The following CAV1 variants were observed in gnomAD, a reference collection of about 807,000 sequenced individuals.
CAV1 encodes caveolin-1.
In CAV1, 10 loss-of-function variants were observed where a neutral mutation model predicts 16.5. The ratio of observed to expected loss-of-function variants is 0.61; its 90% CI spans 0.37 to 1.03. The LOEUF is 1.03. CAV1 is among the 50% of genes least tolerant of loss of function. The pLI is 0.01. For synonymous variants in CAV1, 76 were observed against 85.1 expected, an observed-to-expected ratio of 0.89 and a Z score of 0.59; for missense variants, 212 against 232.8, an observed-to-expected ratio of 0.91 and a Z score of 0.58.
In CAV1 at chr7:116,560,999, G is replaced by A. The variant is rs374969893; in HGVS notation, c.*1712G>A. The A allele has an allele frequency of 1.3e-5, 2 of 152,684 alleles. No homozygotes were observed. Among genetic ancestry groups the A allele is most frequent in the African/African-American group, 4.8e-5 (2 of 41,540 alleles). The allele number at this position is 152,684 out of a possible 1,614,324, so 9.5% of individuals were successfully genotyped here. A position where few individuals can be genotyped will look rare whatever the true frequency, so the allele number is the denominator to read the frequency against. ...AGGAAATGGCTTTGTGATTCAATCT[G>A]TAAACTGTGTATTCCAAGACATGTC... On this transcript the variant is annotated 3_prime_UTR_variant, in exon 3 of 3. Transcript: ENST00000341049.
intron 1 of CAV1, chr7:116,526,284 G>A: frequency 5.4e-6 from 7 of 1,289,318 alleles, no homozygotes; most frequent in Non-Finnish European, 6.0e-6. Flanking sequence ...GGAGGCAGGC[G>A]CGCCCTGCAG....
intron 1 of CAV1, 153 bp from the exon 2 acceptor site, chr7:116,526,372 C>T (rs1793559315): frequency 3.4e-5 from 52 of 1,513,420 alleles, no homozygotes; most frequent in Non-Finnish European, 4.6e-5. Flanking sequence ...GTGCACGGAG[C>T]CGTAGCTGTC....
chr7:116,531,075 G>C (rs1168042451), intron 2 of CAV1, among the ~76,000 whole-genome samples: 2 of 152,188 alleles, frequency 1.3e-5, no homozygotes, highest in African/African-American at 4.8e-5. Context: ...ATGGTTACCA[G>C]GCTGGCCTCC....
chr7:116,548,060 C>T lies in CAV1; in HGVS notation c.196-10886C>T, dbSNP rs533961147. Among the ~76,000 whole-genome samples the T allele has an allele frequency of 1.2e-4, 19 of 152,288 alleles. No individual in the cohort carries two copies. The South Asian group carries it at 3.9e-3, about 32-fold the overall frequency. ...CTGATTGTCACATTTTTCAGATCTG[C>T]TCTCCTAGCAGAGAATGAAGCCTAA... On this transcript the variant is annotated intron_variant, in intron 2 of 2. Transcript: ENST00000341049.
intron 2 of CAV1, chr7:116,542,804 C>T (rs749039111): frequency 2.0e-5 from 3 of 152,184 alleles, no homozygotes; most frequent in African/African-American, 4.8e-5. Flanking sequence ...TATCATCCCC[C>T]TCCCCCTTTT....
chr7:116,525,238 A>G, intron 1 of CAV1, 146 bp downstream of exon 1: 2 of 1,610,084 alleles, frequency 1.2e-6, no homozygotes, highest in Non-Finnish European at 1.7e-6. Flanking sequence ...CCGCTGAGGA[A>G]TGGGCCTGGG....
intron 2 of CAV1, among the ~76,000 whole-genome samples, chr7:116,551,238 A>G (rs1050913615): frequency 7.9e-5 from 12 of 152,198 alleles, no homozygotes; most frequent in African/African-American, 2.7e-4. Context: ...AACCCCTGAG[A>G]AATGAGAACC....
intron 1 of CAV1, chr7:116,525,356 A>T: frequency 6.5e-7 from 1 of 1,541,236 alleles, no homozygotes. Context: ...GGGTCCTGAG[A>T]TTGGGTCTGT....
At chr7:116,526,951 T>C (rs906671397) in intron 2 of CAV1, 58 of 522,984 alleles carry the variant, frequency 1.1e-4, no homozygotes, top group Middle Eastern at 1.0e-3. Context: ...GAAGTTCCTA[T>C]AACTACACTT....
At chr7:116,538,952 C>G (rs1793880597) in intron 2 of CAV1, among the ~76,000 whole-genome samples, 1 of 152,154 alleles carries the variant, frequency 6.6e-6, no homozygotes, top group African/African-American at 2.4e-5. Flanking sequence ...GGAACCGCCA[C>G]CATGATTCAA....
At chr7:116,543,844 A>G (rs1793987214) in intron 2 of CAV1, among the ~76,000 whole-genome samples, 1 of 152,142 alleles carries the variant, frequency 6.6e-6, no homozygotes, top group Admixed American at 6.5e-5. Context: ...TTGTTTTTTA[A>G]CAGCCCATCT....
intron 1 of CAV1, 86 bp downstream of exon 1, chr7:116,525,178 C>T: frequency 2.5e-6 from 4 of 1,613,550 alleles, no homozygotes; most frequent in Non-Finnish European, 3.4e-6. Context: ...CCGACTGCTG[C>T]CCTGGCCCCA....
chr7:116,532,034 C>T (rs908161587), intron 2 of CAV1, among the ~76,000 whole-genome samples: 1 of 152,128 alleles, frequency 6.6e-6, no homozygotes, highest in African/African-American at 2.4e-5. Context: ...GAGTCTTTTC[C>T]CTCCTCCATC....
chr7:116,534,383 ATATATATATATATT>A (rs1455047175), intron 2 of CAV1, among the ~76,000 whole-genome samples: 1 of 9,706 alleles, frequency 1.0e-4, no homozygotes, highest in East Asian at 0.019. Flanking sequence ...ATATATATAT[ATATATATATATATT>A]TTTTTTTTTT....
At chr7:116,558,274 C>T (rs1374638916) in intron 2 of CAV1, among the ~76,000 whole-genome samples, 2 of 152,154 alleles carry the variant, frequency 1.3e-5, no homozygotes, top group East Asian at 1.9e-4. Flanking sequence ...CTGAGTGCCT[C>T]GTATCCTTAT....
At chr7:116,554,333 C>T (rs549746578) in intron 2 of CAV1, among the ~76,000 whole-genome samples, 23 of 152,132 alleles carry the variant, frequency 1.5e-4, no homozygotes, top group African/African-American at 5.5e-4. Context: ...GTGTTCACAC[C>T]GTGGAAAGGA....
At chr7:116,533,880 G>A (rs572550557) in intron 2 of CAV1, among the ~76,000 whole-genome samples, 1 of 152,262 alleles carries the variant, frequency 6.6e-6, no homozygotes, top group South Asian at 2.1e-4. Flanking sequence ...ATAAAAAATT[G>A]TAATTAAATT....
chr7:116,538,924 C>T (rs964869951), intron 2 of CAV1, among the ~76,000 whole-genome samples: 14 of 152,138 alleles, frequency 9.2e-5, no homozygotes, highest in Non-Finnish European at 1.6e-4. Flanking sequence ...CTTATCACTA[C>T]CACAAGAACA....
chr7:116,540,421 A>T (rs1269538438), intron 2 of CAV1, among the ~76,000 whole-genome samples: 2 of 152,164 alleles, frequency 1.3e-5, no homozygotes, highest in East Asian at 3.9e-4. Context: ...TTGACTCCAA[A>T]TAGCTTTCCT....
Sources: allele counts gnomAD v4.1 joint callset (sites outside exome capture counted in the v4.1 genomes callset), GRCh38; gene constraint gnomAD v4.1.1; transcripts MANE v1.5; gene names NCBI Gene and HGNC (gene_info 2026-07-23, HGNC 2026-07-21).